Variants in CCDC40 observed in about 807,000 individuals in gnomAD.
The protein encoded by CCDC40 is coiled-coil domain-containing protein 40.
A neutral mutation model predicts 124.5 loss-of-function variants in CCDC40; 104 were observed. The ratio of observed to expected loss-of-function variants is 0.84; its 90% confidence interval spans 0.71 to 0.98. The LOEUF (loss-of-function observed/expected upper bound fraction) is 0.98. CCDC40 is among the 50% of genes least tolerant of loss of function. The probability of loss-of-function intolerance (pLI) is 0.00; values close to 1 mark genes in which losing one functional copy is unlikely to be tolerated. For synonymous variants in CCDC40, 580 were observed against 602.9 expected, an observed-to-expected ratio of 0.96 and a Z score of 0.56; for missense variants, 1,463 against 1,503.9, an observed-to-expected ratio of 0.97 and a Z score of 0.45.
At chr17:80,073,500 C>T (rs970310975) in intron 10 of CCDC40, among the ~76,000 whole-genome samples, 1 of 152,174 alleles carries the variant, frequency 6.6e-6, no homozygotes, top group Admixed American at 6.5e-5. Context: ...GGCAAAGCCA[C>T]GAACTGCCCT....
intron 10 of CCDC40, chr17:80,067,458 A>G (rs958863442): frequency 1.3e-6 from 1 of 792,920 alleles, no homozygotes; most frequent in Non-Finnish European, 2.1e-6. Flanking sequence ...CCGTGGGAGC[A>G]CACCACACTC....
chr17:80,047,861 G>T (rs1261692997), intron 4 of CCDC40, among the ~76,000 whole-genome samples: 1 of 152,192 alleles, frequency 6.6e-6, no homozygotes, highest in Admixed American at 6.5e-5. Flanking sequence ...GTATCCCAGT[G>T]TTGTGGACGT....
intron 12 of CCDC40, among the ~76,000 whole-genome samples, chr17:80,083,639 C>G (rs568871944): frequency 6.6e-6 from 1 of 152,290 alleles, no homozygotes; most frequent in Non-Finnish European, 1.5e-5. Flanking sequence ...CAGCTTTGGC[C>G]ACACCATTGC....
chr17:80,056,777 C>T (rs1179407850), intron 7 of CCDC40, among the ~76,000 whole-genome samples: 1 of 151,918 alleles, frequency 6.6e-6, no homozygotes, highest in Non-Finnish European at 1.5e-5. Context: ...TGGTGGCTCA[C>T]GCCTGTAATC....
At chr17:80,068,570 T>C (rs1401463545) in intron 10 of CCDC40, among the ~76,000 whole-genome samples, 4 of 151,932 alleles carry the variant, frequency 2.6e-5, no homozygotes, top group Non-Finnish European at 5.9e-5. Flanking sequence ...GTAGAGCATC[T>C]TAGAAAATGG....
rs202238299 is a variant in CCDC40, at chr17:80,095,226, C to A, written c.2833-37C>A. ...ACTCTCTCTGCAGCTGCAGCTCAGG[C>A]CTGCCCCAGCCCCAGCCCCTCTGTC... On this transcript the variant is annotated intron_variant, in intron 17 of 19. Coordinates refer to ENST00000397545, the MANE Select transcript of CCDC40 (RefSeq NM_017950.4). 17 of 1,604,056 alleles carry A rather than the reference C, an allele frequency of 1.1e-5. No homozygotes were observed. The Admixed American group carries it at 1.5e-4, about 14-fold the overall frequency.
In CCDC40 at chr17:80,087,784, C is replaced by G. The variant is rs542422469; in HGVS notation, c.2619+8C>G. On this transcript the variant is annotated splice_region_variant and intron_variant, in intron 15 of 19. Transcript: ENST00000397545. The surrounding 1 kb of genome is among the most constrained non-coding windows in gnomAD (Gnocchi z 4.5). ...TTCGTGCGCTCGCTGAAGGTCCGGC[C>G]GTGTCCACGCAGTCCCGGGGCTCAG... 6 of 1,613,544 alleles carry G rather than the reference C, an allele frequency of 3.7e-6. No individual in the cohort carries two copies. Among genetic ancestry groups the G allele is most frequent in the Admixed American group, 3.3e-5 (2 of 60,012 alleles).
intron 9 of CCDC40, 145 bp from the exon 10 acceptor site, chr17:80,065,340 C>A (rs1473870697): frequency 1.8e-6 from 2 of 1,109,804 alleles, no homozygotes; most frequent in Non-Finnish European, 2.7e-6. Context: ...CTCGTGTTTA[C>A]CCCTCTGCAG....
At chr17:80,037,688 A>AAAAAATATATATATATATAT in intron 1 of CCDC40, among the ~76,000 whole-genome samples, 79 of 45,676 alleles carry the variant, frequency 1.7e-3, no homozygotes, top group African/African-American at 4.5e-3. Flanking sequence ...TTTTTTAAAA[A>AAAAAATATATATATATATAT]AGATATACAT....
intron 18 of CCDC40, 148 bp downstream of exon 18, chr17:80,095,599 C>G: frequency 1.3e-6 from 1 of 744,010 alleles, no homozygotes. Flanking sequence ...CTGCTGGGTG[C>G]TGGGTCTGGG....
At chr17:80,082,985 G>A (rs2038494577) in intron 12 of CCDC40, among the ~76,000 whole-genome samples, 1 of 152,220 alleles carries the variant, frequency 6.6e-6, no homozygotes, top group Non-Finnish European at 1.5e-5. Context: ...GGGGTGGGGA[G>A]GCATATCTGG....
At chr17:80,050,939 G>A (rs368213986) in intron 7 of CCDC40, among the ~76,000 whole-genome samples, 27 of 152,314 alleles carry the variant, frequency 1.8e-4, no homozygotes, top group Middle Eastern at 3.4e-3. Flanking sequence ...AGGCCGGCAC[G>A]ACGGTCAGAC....
At chr17:80,097,750 T>C (rs1244812221) in intron 19 of CCDC40, 8 of 327,190 alleles carry the variant, frequency 2.4e-5, no homozygotes, top group South Asian at 8.2e-5. Flanking sequence ...TACAGTGTGT[T>C]GTAGCTAGGC....
chr17:80,087,488 G>A lies in CCDC40; in HGVS notation c.2450-119G>A, dbSNP rs2038611556. 3 of 758,522 alleles carry A rather than the reference G, an allele frequency of 4.0e-6. No homozygotes were observed. The highest frequency in any genetic ancestry group is 1.5e-5 in the South Asian group (1 of 68,252). 47.0% of individuals were successfully genotyped at this position (758,522 alleles called of 1,614,324 possible). A position where few individuals can be genotyped will look rare whatever the true frequency, so the allele number is the denominator to read the frequency against. ...GAGCGCCAGGAACGACAAGAGGGAG[G>A]GGATGAAGGGAGCTACAGGGAGAGA... On this transcript the variant is annotated intron_variant, in intron 14 of 19. Coordinates refer to ENST00000397545, the MANE Select transcript of CCDC40 (RefSeq NM_017950.4). This position sits in a 1 kb window ranked among gnomAD's most constrained non-coding sequence, Gnocchi z 4.5.
rs1027614381 is a variant in CCDC40, at chr17:80,058,692, C to T, written c.1317+41C>T. The T allele has an allele frequency of 6.2e-7, 1 of 1,611,278 alleles. No homozygotes were observed. Among genetic ancestry groups the T allele is most frequent in the Non-Finnish European group, 8.5e-7 (1 of 1,177,578 alleles). On this transcript the variant is annotated intron_variant, in intron 8 of 19. Coordinates refer to ENST00000397545, the MANE Select transcript of CCDC40 (RefSeq NM_017950.4). This position sits in a 1 kb window ranked among gnomAD's most constrained non-coding sequence, Gnocchi z 4.2. Reference sequence around the variant, plus strand: ...GACACATGTTTAATGATCACCAGACCGTGGAGCTTCAAAAAGGGGCTCAGC... The same window carrying T: ...GACACATGTTTAATGATCACCAGACTGTGGAGCTTCAAAAAGGGGCTCAGC...
intron 12 of CCDC40, among the ~76,000 whole-genome samples, chr17:80,082,418 G>A (rs1302610009): frequency 2.6e-5 from 4 of 150,958 alleles, no homozygotes; most frequent in African/African-American, 9.8e-5. Context: ...GAGGGGACTT[G>A]TGTCCTTAGA....
Position 80,039,893 on chromosome 17 carries a change from C to CA in CCDC40, c.177dup (p.Ala60SerfsTer6). The CA allele has an allele frequency of 6.2e-7, 1 of 1,613,760 alleles. No homozygotes were observed. The highest frequency in any genetic ancestry group is 8.5e-7 in the Non-Finnish European group (1 of 1,179,916). ...AGAGCATCCTGAGGAAGTCACAACCCAAGCGGAAGCTGCAATTGAAGAGGG... is the reference window on the plus strand; with the variant it reads ...AGAGCATCCTGAGGAAGTCACAACCCAAAGCGGAAGCTGCAATTGAAGAGGG... On this transcript the variant is annotated frameshift_variant, in exon 3 of 20. Coordinates refer to ENST00000397545, the MANE Select transcript of CCDC40 (RefSeq NM_017950.4). LOFTEE classifies it high-confidence loss of function.
At chr17:80,050,359 A>G in intron 7 of CCDC40, 76 bp downstream of exon 7, 1 of 1,202,778 alleles carries the variant, frequency 8.3e-7, no homozygotes, top group Non-Finnish European at 1.2e-6. Flanking sequence ...TACCATGGCC[A>G]GGCATCTAGA....
Position 80,071,831 on chromosome 17 carries a change from C to CTTTT in CCDC40, c.1562+6244_1562+6247dup, listed in dbSNP as rs35874742. ...AGGAAGTGCATTTTGGGTTTTTCAG[C>CTTTT]TTTTTTTTTTTTTTTTTTTTTTGAG... On this transcript the variant is annotated intron_variant, in intron 10 of 19. Transcript: ENST00000397545. Among the ~76,000 whole-genome samples the CTTTT allele has an allele frequency of 3.5e-3, 309 of 88,916 alleles. 11 individuals carry two copies. Among genetic ancestry groups the CTTTT allele is most frequent in the African/African-American group, 9.1e-3 (205 of 22,638 alleles). The allele number at this position is 88,916 out of a possible 152,430, so 58.3% of individuals were successfully genotyped here.
Sources: allele counts gnomAD v4.1 joint callset (sites outside exome capture counted in the v4.1 genomes callset), GRCh38; gene constraint gnomAD v4.1.1; non-coding constraint Gnocchi (gnomAD v3.1); transcripts MANE v1.5; gene names NCBI Gene and HGNC (gene_info 2026-07-23, HGNC 2026-07-21).